SEMA3A: variants seen among roughly 807,000 people sequenced by gnomAD.
SEMA3A encodes the protein semaphorin-3A.
In SEMA3A, 29 loss-of-function variants were observed where a neutral mutation model predicts 97.9. That is an observed-to-expected ratio of 0.30 (90% CI 0.22 to 0.40). The LOEUF (loss-of-function observed/expected upper bound fraction) is 0.40, where lower values mean the gene tolerates loss of function less well. Ranked by LOEUF, SEMA3A falls within the 10% of genes least tolerant of loss-of-function variation. The pLI is 1.00. For missense variants in SEMA3A, 763 were observed against 951.3 expected, an observed-to-expected ratio of 0.80 and a Z score of 2.60; for synonymous variants, 321 against 323.7, an observed-to-expected ratio of 0.99 and a Z score of 0.09.
At chr7:84,462,462 A>T (rs1464913315) in intron 1 of SEMA3A, among the ~76,000 whole-genome samples, 1 of 152,190 alleles carries the variant, frequency 6.6e-6, no homozygotes, top group Non-Finnish European at 1.5e-5. Context: ...ATTTTCCATG[A>T]TCACTGATAC....
Position 84,067,605 on chromosome 7 carries a change from T to G in SEMA3A, c.454-7047A>C, listed in dbSNP as rs1447533325. ...AAAACAAACAACCCCATCAAAAAGT[T>G]GGCGAAGGACATGAACAGACACTTC... On this transcript the variant is annotated intron_variant, in intron 4 of 16. Transcript: ENST00000265362. Among the ~76,000 whole-genome samples, 255 of 152,046 alleles carry G rather than the reference T, an allele frequency of 1.7e-3. 3 individuals carry two copies. The South Asian group carries it at 0.018, about 11-fold the overall frequency.
intron 4 of SEMA3A, among the ~76,000 whole-genome samples, chr7:84,083,754 T>C (rs952481879): frequency 8.5e-5 from 13 of 152,086 alleles, no homozygotes; most frequent in African/African-American, 3.1e-4. Flanking sequence ...AGACTTTTTA[T>C]CTTAACATTT....
At chr7:84,329,759 C>T (rs1215231793) in intron 2 of SEMA3A, among the ~76,000 whole-genome samples, 2 of 151,902 alleles carry the variant, frequency 1.3e-5, no homozygotes, top group Non-Finnish European at 1.5e-5. Context: ...TTAAAATAAA[C>T]ATTTAGTGCA....
intron 10 of SEMA3A, 82 bp downstream of exon 10, chr7:84,007,271 A>T: frequency 8.9e-7 from 1 of 1,129,714 alleles, no homozygotes; most frequent in Non-Finnish European, 1.2e-6. Context: ...GGATACATTT[A>T]ATATCTGTCT....
At chr7:84,019,106 TG>T in intron 6 of SEMA3A, among the ~76,000 whole-genome samples, 1 of 152,262 alleles carries the variant, frequency 6.6e-6, no homozygotes. Context: ...TGATGAATTA[TG>T]CTCATTGATA....
intron 1 of SEMA3A, among the ~76,000 whole-genome samples, chr7:84,464,596 A>G (rs576078693): frequency 2.6e-5 from 4 of 152,360 alleles, no homozygotes; most frequent in East Asian, 3.9e-4. Context: ...TTTAAATTTC[A>G]TGGTACAAAT....
intron 1 of SEMA3A, among the ~76,000 whole-genome samples, chr7:84,141,060 A>T (rs1310533353): frequency 6.6e-6 from 1 of 152,170 alleles, no homozygotes; most frequent in South Asian, 2.1e-4. Flanking sequence ...CCACAGACTG[A>T]TGTTTGGCAA....
chr7:84,011,162 A>G (rs1456566997), intron 8 of SEMA3A, 21 bp downstream of exon 8: 1 of 1,604,280 alleles, frequency 6.2e-7, no homozygotes, highest in South Asian at 1.1e-5. Flanking sequence ...TATTCTCTAT[A>G]CATAAACACT....
At chr7:84,051,133 T>A (rs1792621517) in intron 5 of SEMA3A, among the ~76,000 whole-genome samples, 1 of 149,384 alleles carries the variant, frequency 6.7e-6, no homozygotes, top group Admixed American at 6.7e-5. Flanking sequence ...TAGTTTGAAG[T>A]CAGGTAGTGT....
intron 2 of SEMA3A, among the ~76,000 whole-genome samples, chr7:84,371,659 C>G (rs906501607): frequency 1.3e-5 from 2 of 151,708 alleles, no homozygotes; most frequent in Non-Finnish European, 2.9e-5. Flanking sequence ...TCAATAAACA[C>G]CTGATTGGAT....
Position 83,968,804 on chromosome 7 carries a change from CTTTTTTTTTTTTTT to C in SEMA3A, c.1718-5471_1718-5458del, listed in dbSNP as rs34837012. On this transcript the variant is annotated intron_variant, in intron 15 of 16. Coordinates refer to ENST00000265362, the MANE Select transcript of SEMA3A (RefSeq NM_006080.3). ...TTCTTTGTTTCTTTTCTTTTCTTTC[CTTTTTTTTTTTTTT>C]TTTTTTTTTGGAGAAAGAGTCTCAC... 3.9e-3 allele frequency among the ~76,000 whole-genome samples: 343 copies of C among 87,010 alleles called. 6 individuals carry two copies. The highest frequency in any genetic ancestry group is 0.017 in the African/African-American group (328 of 19,878). The allele number at this position is 87,010 out of a possible 152,430, so 57.1% of individuals were successfully genotyped here. A position where few individuals can be genotyped will look rare whatever the true frequency, so the allele number is the denominator to read the frequency against.
intron 1 of SEMA3A, among the ~76,000 whole-genome samples, chr7:84,445,516 A>AAAAG (rs1805390998): frequency 4.0e-5 from 5 of 123,740 alleles, no homozygotes; most frequent in East Asian, 2.7e-4. Flanking sequence ...AAAAAAAAAA[A>AAAAG]AAAAGAAAAG....
chr7:84,367,617 C>G (rs1321654693), intron 2 of SEMA3A, among the ~76,000 whole-genome samples: 1 of 150,332 alleles, frequency 6.7e-6, no homozygotes, highest in Non-Finnish European at 1.5e-5. Context: ...TGAGGCTTAA[C>G]AAGAGCCTAA....
chr7:84,475,426 T>G (rs746784035), intron 1 of SEMA3A, among the ~76,000 whole-genome samples: 2 of 152,126 alleles, frequency 1.3e-5, no homozygotes, highest in Non-Finnish European at 2.9e-5. Flanking sequence ...CAGATAGAAT[T>G]TCCTTAAATT....
chr7:84,265,544 T>C (rs1799972527), intron 3 of SEMA3A, among the ~76,000 whole-genome samples: 2 of 147,876 alleles, frequency 1.4e-5, no homozygotes, highest in Non-Finnish European at 3.0e-5. Flanking sequence ...ATATATTTTA[T>C]ATGTTTATAT....
intron 3 of SEMA3A, among the ~76,000 whole-genome samples, chr7:84,124,113 T>C (rs1409049190): frequency 1.3e-5 from 2 of 152,168 alleles, no homozygotes; most frequent in Non-Finnish European, 2.9e-5. Context: ...TACTGTGTTG[T>C]CATAGCCATA....
chr7:84,228,524 T>G (rs2372157), intron 3 of SEMA3A, among the ~76,000 whole-genome samples: 11,656 of 152,110 alleles, frequency 0.077, 1,530 homozygotes, highest in African/African-American at 0.27. Context: ...AGGTAAAAAT[T>G]CATGTATATA....
chr7:84,003,090 C>T (rs898101665), intron 11 of SEMA3A, among the ~76,000 whole-genome samples: 34 of 151,960 alleles, frequency 2.2e-4, no homozygotes, highest in African/African-American at 7.5e-4. Flanking sequence ...AAAATCTTGT[C>T]AACAAAGAAT....
rs1798164669 is a variant in SEMA3A, at chr7:84,194,715, C to A, written c.-129G>T. 3 of 579,578 alleles carry A rather than the reference C, an allele frequency of 5.2e-6. No individual in the cohort carries two copies. Among genetic ancestry groups the A allele is most frequent in the Non-Finnish European group, 9.4e-6 (3 of 320,714 alleles). The allele number at this position is 579,578 out of a possible 1,614,324, so 35.9% of individuals were successfully genotyped here. A position where few individuals can be genotyped will look rare whatever the true frequency, so the allele number is the denominator to read the frequency against. ...GGTCAGTTTCATTCATAAATGCAGACAATCAAGACCTCATGGCAACACTAA... is the reference window on the plus strand; with the variant it reads ...GGTCAGTTTCATTCATAAATGCAGAAAATCAAGACCTCATGGCAACACTAA... On this transcript the variant is annotated 5_prime_UTR_variant, in exon 1 of 17. Coordinates refer to ENST00000265362, the MANE Select transcript of SEMA3A (RefSeq NM_006080.3).
Sources: allele counts gnomAD v4.1 joint callset (sites outside exome capture counted in the v4.1 genomes callset), GRCh38; gene constraint gnomAD v4.1.1; transcripts MANE v1.5; gene names NCBI Gene and HGNC (gene_info 2026-07-23, HGNC 2026-07-21).